SDHA: variants seen among roughly 807,000 people sequenced by gnomAD.
SDHA encodes the protein succinate dehydrogenase complex flavoprotein subunit A.
In SDHA, 48 loss-of-function variants were observed where a neutral mutation model predicts 78.4. The ratio of observed to expected loss-of-function variants is 0.61; its 90% CI spans 0.49 to 0.78. SDHA has a LOEUF of 0.78. Among genes scored for constraint, SDHA ranks in the 30% least tolerant of loss-of-function variants. The pLI is 0.00. For missense variants in SDHA, 680 were observed against 892.7 expected (o/e 0.76, Z 3.04); for synonymous variants, 326 against 353.9 (o/e 0.92, Z 0.88).
intron 11 of SDHA, among the ~76,000 whole-genome samples, chr5:242,672 G>A (rs1252668361): frequency 1.3e-5 from 2 of 152,200 alleles, no homozygotes; most frequent in Admixed American, 6.5e-5. Context: ...CATATATGGG[G>A]GCTCGAATCT....
At chr5:258,384 C>T (rs1294705208), downstream of SDHA, among the ~76,000 whole-genome samples, 2 of 129,114 alleles carry the variant, frequency 1.5e-5, no homozygotes, top group Non-Finnish European at 3.1e-5. Flanking sequence ...CCGTGAGCTC[C>T]GCCCCCTGCC....
chr5:264,423 G>T, the SDHA span, among the ~76,000 whole-genome samples: 12 of 152,324 alleles, frequency 7.9e-5, no homozygotes, highest in Non-Finnish European at 1.6e-4. Flanking sequence ...GGGTGTCTGG[G>T]AGCCGGATCC....
At chr5:242,220 C>G (rs190948861) in intron 11 of SDHA, among the ~76,000 whole-genome samples, 58 of 152,252 alleles carry the variant, frequency 3.8e-4, no homozygotes, top group Admixed American at 8.5e-4. Flanking sequence ...CCAAATGTGG[C>G]CCAAAACTGA....
downstream of SDHA, among the ~76,000 whole-genome samples, chr5:259,247 T>G (rs368797804): frequency 2.6e-5 from 1 of 37,804 alleles, no homozygotes. Context: ...CCGCCTCCCG[T>G]CACAGCATTA....
In SDHA at chr5:235,226, A is replaced by G. The variant is rs2126584806; in HGVS notation, c.1147A>G (p.Ile383Val). The change falls in exon 9 of 15, where the codon ATT (isoleucine) becomes GTT (valine). Residue 383 changes from isoleucine (I) to valine (V), a missense_variant. By Grantham distance (29) the Ile-to-Val change is conservative. Coordinates refer to ENST00000264932, the MANE Select transcript of SDHA (RefSeq NM_004168.4). ...PEQLATRLPG[I>V]SETAMIFAGV... ...GCAGCTGGCCACGCGCCTGCCTGGCATTTCAGAGACAGCCATGATCTTCGC... is the reference window on the plus strand; with the variant it reads ...GCAGCTGGCCACGCGCCTGCCTGGCGTTTCAGAGACAGCCATGATCTTCGC... 1.2e-6 allele frequency: 2 copies of G among 1,614,016 alleles called. No individual in the cohort carries two copies. The highest frequency in any genetic ancestry group is 2.2e-5 in the East Asian group (1 of 44,880).
At chr5:232,625 A>G (rs1311454607) in intron 7 of SDHA, among the ~76,000 whole-genome samples, 1 of 152,194 alleles carries the variant, frequency 6.6e-6, no homozygotes, top group East Asian at 1.9e-4. Flanking sequence ...TGTCTTCAGT[A>G]TGTGAGAAGT....
chr5:257,784 T>G (rs572073326), downstream of SDHA, among the ~76,000 whole-genome samples: 24 of 72,970 alleles, frequency 3.3e-4, no homozygotes, highest in South Asian at 5.0e-4. Context: ...GAGCATTACC[T>G]TGTGAGCTCC....
chr5:258,815 CGT>C (rs1737377700), downstream of SDHA, among the ~76,000 whole-genome samples: 1 of 85,134 alleles, frequency 1.2e-5, no homozygotes, highest in Non-Finnish European at 2.1e-5. Context: ...ACAGCATTAC[CGT>C]GTGAGCTCCG....
At chr5:249,345 A>G (rs535434057) in intron 11 of SDHA, 7 of 221,680 alleles carry the variant, frequency 3.2e-5, no homozygotes, top group East Asian at 1.7e-4. Context: ...AGGCCCCCCA[A>G]TGTGGCCATA....
the SDHA span, among the ~76,000 whole-genome samples, chr5:267,309 C>T: frequency 5.9e-5 from 9 of 152,140 alleles, no homozygotes; most frequent in East Asian, 7.7e-4. Flanking sequence ...AATTCTATGG[C>T]GGGAATCTGG....
chr5:229,079 C>G (rs9687621), intron 6 of SDHA, among the ~76,000 whole-genome samples: 2 of 151,886 alleles, frequency 1.3e-5, no homozygotes, highest in Non-Finnish European at 2.9e-5. Flanking sequence ...CATCTCATCT[C>G]GCTCCAGTTA....
At position 233,500 on chromosome 5, in the gene SDHA, A is replaced by G. The variant is rs200632016; in HGVS notation, c.919A>G (p.Ile307Val). ...PTGIYGAGCLITEGCRGEGGI... is the reference protein window; with the variant it reads ...PTGIYGAGCLVTEGCRGEGGI... ...AGGCATATATGGTGCTGGTTGTCTC[A>G]TTACGGAAGGATGTCGTGGAGAGGG... is the stretch of plus-strand genomic sequence containing the variant. The change falls in exon 8 of 15, where the codon ATT (isoleucine) becomes GTT (valine). Residue 307 changes from isoleucine to valine, a missense_variant. Transcript: ENST00000264932. 13 of 1,614,122 alleles carry G rather than the reference A, an allele frequency of 8.1e-6. No individual in the cohort carries two copies. Among genetic ancestry groups the G allele is most frequent in the Non-Finnish European group, 9.3e-6 (11 of 1,180,040 alleles).
rs758083757 is a variant in SDHA, at chr5:218,340, G to C, written c.-16G>C. 1 of 1,444,744 alleles carries C rather than the reference G, an allele frequency of 6.9e-7. No homozygotes were observed. Among genetic ancestry groups the C allele is most frequent in the Non-Finnish European group, 9.0e-7 (1 of 1,107,552 alleles). The allele number at this position is 1,444,744 out of a possible 1,614,324, so 89.5% of individuals were successfully genotyped here. A position where few individuals can be genotyped will look rare whatever the true frequency, so the allele number is the denominator to read the frequency against. On this transcript the variant is annotated 5_prime_UTR_variant, in exon 1 of 15. Coordinates refer to ENST00000264932, the MANE Select transcript of SDHA (RefSeq NM_004168.4). ...TGCGCAGGGACTGGCGGGACTGCGCGGCGGCAACAGCAGACATGTCGGGGG... is the reference window on the plus strand; with the variant it reads ...TGCGCAGGGACTGGCGGGACTGCGCCGCGGCAACAGCAGACATGTCGGGGG...
intron 9 of SDHA, 116 bp from the exon 10 acceptor site, chr5:236,311 AC>A (rs1735772258): frequency 7.6e-6 from 8 of 1,048,854 alleles, no homozygotes; most frequent in Non-Finnish European, 1.2e-5. Flanking sequence ...GGCGTGAGCC[AC>A]CACGCCTGGC....
rs1734827567 is a variant in SDHA, at chr5:223,455, C to G, written c.64-27C>G. ...TTTGTTCCTTCAGGACACTAACCCT[C>G]TGGATCTGTGTCTTCTGTGTCTCCA... is the stretch of plus-strand genomic sequence containing the variant. On this transcript the variant is annotated intron_variant, in intron 1 of 14. Transcript: ENST00000264932. The G allele has an allele frequency of 6.6e-6, 10 of 1,517,276 alleles. No individual in the cohort carries two copies. The East Asian group carries it at 2.2e-4, about 34-fold the overall frequency. The allele number at this position is 1,517,276 out of a possible 1,614,324, so 94.0% of individuals were successfully genotyped here.
At chr5:263,818 T>G in the SDHA span, among the ~76,000 whole-genome samples, 1 of 151,814 alleles carries the variant, frequency 6.6e-6, no homozygotes, top group Non-Finnish European at 1.5e-5. Context: ...AACAAAAGTA[T>G]GTGGCATTTG....
chr5:264,031 A>G, the SDHA span, among the ~76,000 whole-genome samples: 1 of 152,234 alleles, frequency 6.6e-6, no homozygotes, highest in Non-Finnish European at 1.5e-5. Context: ...ACTCAGTACC[A>G]GAAGGAGGGA....
At position 225,420 on chromosome 5, in the gene SDHA, G is replaced by T; in HGVS notation, c.314G>T (p.Gly105Val). 1.2e-6 allele frequency: 2 copies of T among 1,612,450 alleles called. No individual in the cohort carries two copies. The highest frequency in any genetic ancestry group is 1.3e-5 in the African/African-American group (1 of 75,000). The change falls in exon 4 of 15, where the codon GGA becomes GTA. Residue 105 changes from glycine to valine, a missense_variant and splice_region_variant. Transcript: ENST00000264932. ...GTAAGGAGTGGTTGGTGTTTCCAGG[G>T]AGGAATCAATGCTGCTCTGGGGAAC... ...PTRSHTVAAQ[G>V]GINAALGNME...
At chr5:251,635 T>C in intron 13 of SDHA, 167 bp downstream of exon 13, 1 of 1,533,222 alleles carries the variant, frequency 6.5e-7, no homozygotes, top group Non-Finnish European at 8.8e-7. Flanking sequence ...CTCGCCATCT[T>C]CTGGATCACT....
Sources: allele counts gnomAD v4.1 joint callset (sites outside exome capture counted in the v4.1 genomes callset), GRCh38; gene constraint gnomAD v4.1.1; transcripts MANE v1.5; gene names NCBI Gene and HGNC (gene_info 2026-07-23, HGNC 2026-07-21).